Variants in WWOX observed in about 807,000 individuals in gnomAD.
WWOX encodes the protein WW domain containing oxidoreductase.
A neutral mutation model predicts 46.2 loss-of-function variants in WWOX; 69 were observed. The observed-to-expected ratio is 1.49, with a 90% CI of 1.23 to 1.82. The LOEUF (loss-of-function observed/expected upper bound fraction) is 1.82, where lower values mean the gene tolerates loss of function less well. Among genes scored for constraint, WWOX ranks in the 40% most tolerant of loss-of-function variants. The probability of loss-of-function intolerance (pLI) is 0.00; values close to 1 mark genes in which losing one functional copy is unlikely to be tolerated. For missense variants in WWOX, 919 were observed against 542.6 expected, an observed-to-expected ratio of 1.69 and a Z score of -6.89; for synonymous variants, 359 against 202.6, an observed-to-expected ratio of 1.77 and a Z score of -6.56.
At chr16:79,072,705 C>G (rs2048574352) in intron 8 of WWOX, among the ~76,000 whole-genome samples, 1 of 152,244 alleles carries the variant, frequency 6.6e-6, no homozygotes, top group Admixed American at 6.5e-5. Context: ...TCGTCATCAT[C>G]AGGGCCACAA....
intron 8 of WWOX, among the ~76,000 whole-genome samples, chr16:78,969,388 G>C (rs1014965069): frequency 6.6e-6 from 1 of 151,852 alleles, no homozygotes; most frequent in African/African-American, 2.4e-5. Context: ...TCGTGCCTCA[G>C]CCTCCCGAGT....
At chr16:78,773,815 T>G (rs2050123747) in intron 8 of WWOX, among the ~76,000 whole-genome samples, 1 of 152,178 alleles carries the variant, frequency 6.6e-6, no homozygotes, top group African/African-American at 2.4e-5. Flanking sequence ...ACTTTGCATG[T>G]GAGTTCTGAA....
intron 8 of WWOX, among the ~76,000 whole-genome samples, chr16:78,674,989 C>G (rs2047557406): frequency 6.6e-6 from 1 of 151,982 alleles, no homozygotes; most frequent in South Asian, 2.1e-4. Context: ...ACCATGCTTA[C>G]CTTGAAGAGT....
At chr16:78,616,110 C>A (rs2046018003) in intron 8 of WWOX, among the ~76,000 whole-genome samples, 2 of 152,052 alleles carry the variant, frequency 1.3e-5, no homozygotes, top group African/African-American at 2.4e-5. Context: ...CGTAGAATTC[C>A]CTACCCTGTG....
At chr16:78,385,725 A>G (rs1483839051) in intron 5 of WWOX, among the ~76,000 whole-genome samples, 4 of 152,164 alleles carry the variant, frequency 2.6e-5, no homozygotes. Context: ...TACAGGTATC[A>G]TGTTATCCTC....
chr16:78,323,878 G>T (rs1268272531), intron 5 of WWOX, among the ~76,000 whole-genome samples: 1 of 152,140 alleles, frequency 6.6e-6, no homozygotes, highest in Non-Finnish European at 1.5e-5. Flanking sequence ...GGACTCAGAG[G>T]CCTGCTCAAG....
Position 78,199,026 on chromosome 16 carries a change from C to A in WWOX, c.516+34737C>A, listed in dbSNP as rs373003079. 3.3e-5 allele frequency among the ~76,000 whole-genome samples: 5 copies of A among 152,226 alleles called. No individual in the cohort carries two copies. The East Asian group carries it at 7.7e-4, about 24-fold the overall frequency. On this transcript the variant is annotated intron_variant, in intron 5 of 8. Coordinates refer to ENST00000566780, the MANE Select transcript of WWOX (RefSeq NM_016373.4). ...GCCTTATCATGGTCCATAACATTCACCTTCCACTCTGTAGCCATAATTAAA... is the reference window on the plus strand; with the variant it reads ...GCCTTATCATGGTCCATAACATTCAACTTCCACTCTGTAGCCATAATTAAA...
chr16:78,787,097 A>G (rs368346824), intron 8 of WWOX, among the ~76,000 whole-genome samples: 2 of 152,178 alleles, frequency 1.3e-5, no homozygotes, highest in African/African-American at 4.8e-5. Flanking sequence ...GCAGTGAGCC[A>G]AGATTGCACC....
At chr16:79,018,563 G>T (rs906406009) in intron 8 of WWOX, among the ~76,000 whole-genome samples, 1 of 152,132 alleles carries the variant, frequency 6.6e-6, no homozygotes, top group African/African-American at 2.4e-5. Context: ...TGGGCTGTCT[G>T]TATTGATCCA....
At chr16:78,467,667 G>A (rs2084113736) in intron 8 of WWOX, among the ~76,000 whole-genome samples, 1 of 152,198 alleles carries the variant, frequency 6.6e-6, no homozygotes, top group Non-Finnish European at 1.5e-5. Context: ...AGTAGAAAGA[G>A]ATAAAGCTTT....
At chr16:78,430,889 C>G (rs1240169491) in intron 7 of WWOX, among the ~76,000 whole-genome samples, 1 of 152,054 alleles carries the variant, frequency 6.6e-6, no homozygotes, top group African/African-American at 2.4e-5. Context: ...TGGTCTTAGC[C>G]CAACCTGAGC....
Position 79,212,553 on chromosome 16 carries a change from A to AGTTAATCCCTTTGTCTGTCAAT in WWOX, c.*758_*779dup, listed in dbSNP as rs2051804774. ...TTTGGGGGGCAGAGAATAAAACGTTAGTTAATCCCTTTGTCTGTCAATCAC... is the reference window on the plus strand; with the variant it reads ...TTTGGGGGGCAGAGAATAAAACGTTAGTTAATCCCTTTGTCTGTCAATGTTAATCCCTTTGTCTGTCAATCAC... On this transcript the variant is annotated 3_prime_UTR_variant, in exon 9 of 9. Transcript: ENST00000566780. 1 of 168,188 alleles carries AGTTAATCCCTTTGTCTGTCAAT rather than the reference A, an allele frequency of 5.9e-6. No individual in the cohort carries two copies. The highest frequency in any genetic ancestry group is 5.5e-5 in the Admixed American group (1 of 18,238). 10.4% of individuals were successfully genotyped at this position (168,188 alleles called of 1,614,324 possible).
intron 5 of WWOX, among the ~76,000 whole-genome samples, chr16:78,298,894 G>GT (rs2079990161): frequency 6.6e-6 from 1 of 152,094 alleles, no homozygotes; most frequent in African/African-American, 2.4e-5. Flanking sequence ...TAAGGCCTCA[G>GT]TAACTGTTAG....
chr16:79,136,710 G>T (rs2049988036), intron 8 of WWOX, among the ~76,000 whole-genome samples: 1 of 152,192 alleles, frequency 6.6e-6, no homozygotes, highest in Non-Finnish European at 1.5e-5. Context: ...CCTGGGGCAG[G>T]TGACTTTATG....
At chr16:78,128,554 G>A (rs2033454657) in intron 4 of WWOX, among the ~76,000 whole-genome samples, 1 of 152,148 alleles carries the variant, frequency 6.6e-6, no homozygotes, top group Admixed American at 6.5e-5. Context: ...AGTGCAGCAC[G>A]AATTTAGATA....
chr16:78,245,305 T>C (rs756928151), intron 5 of WWOX, among the ~76,000 whole-genome samples: 2 of 152,230 alleles, frequency 1.3e-5, no homozygotes, highest in Non-Finnish European at 2.9e-5. Flanking sequence ...TTTTAGGTTG[T>C]CACTAACTCT....
chr16:78,616,862 T>C (rs1031985731), intron 8 of WWOX, among the ~76,000 whole-genome samples: 6 of 152,178 alleles, frequency 3.9e-5, no homozygotes, highest in African/African-American at 1.4e-4. Flanking sequence ...CCGCACTTCC[T>C]AATGTTACCA....
chr16:79,050,511 A>G (rs188026822), intron 8 of WWOX, among the ~76,000 whole-genome samples: 4 of 152,308 alleles, frequency 2.6e-5, no homozygotes, highest in African/African-American at 9.6e-5. Context: ...CCCCAAATAA[A>G]TCACATGGCT....
chr16:79,024,624 A>G (rs1227187236), intron 8 of WWOX, among the ~76,000 whole-genome samples: 1 of 151,520 alleles, frequency 6.6e-6, no homozygotes, highest in African/African-American at 2.4e-5. Flanking sequence ...TTTAGTAGAG[A>G]CGGGGTTTCA....
Sources: allele counts gnomAD v4.1 joint callset (sites outside exome capture counted in the v4.1 genomes callset), GRCh38; gene constraint gnomAD v4.1.1; transcripts MANE v1.5; gene names NCBI Gene and HGNC (gene_info 2026-07-23, HGNC 2026-07-21).